The following XIRP2 variants were observed in gnomAD, a reference collection of about 807,000 sequenced individuals.
XIRP2 encodes xin actin-binding repeat-containing protein 2.
XIRP2 carries 236 observed loss-of-function variants against 277.0 expected under a neutral mutation model. The observed-to-expected ratio is 0.85, with a 90% CI of 0.77 to 0.95. The LOEUF (loss-of-function observed/expected upper bound fraction) is 0.95, where lower values mean the gene tolerates loss of function less well. XIRP2 is among the 40% of genes least tolerant of loss of function. The pLI is 0.00. For missense variants in XIRP2, 4,640 were observed against 4,157.5 expected, an observed-to-expected ratio of 1.12 and a Z score of -3.19; for synonymous variants, 1,490 against 1,416.5, an observed-to-expected ratio of 1.05 and a Z score of -1.17.
At chr2:167,085,949 G>T (rs546166797) in intron 2 of XIRP2, among the ~76,000 whole-genome samples, 3 of 152,038 alleles carry the variant, frequency 2.0e-5, no homozygotes, top group East Asian at 1.9e-4. Context: ...TACATTTAAA[G>T]TTAATATTGT....
rs140761249 is a variant in XIRP2, at chr2:167,060,179, T to C, written c.409-75730T>C. On this transcript the variant is annotated intron_variant, in intron 2 of 10. Coordinates refer to ENST00000409195, the MANE Select transcript of XIRP2 (RefSeq NM_152381.6). ...AGATTTCTTGTTATAAAATAATAAG[T>C]TTTCAAAATGATAACGGGGGAAAAA... Among the ~76,000 whole-genome samples the C allele has an allele frequency of 7.3e-4, 111 of 151,942 alleles. 1 individual carries two copies. The East Asian group carries it at 0.021, about 29-fold the overall frequency.
At chr2:167,109,830 G>C (rs1232279367) in intron 2 of XIRP2, among the ~76,000 whole-genome samples, 3 of 152,036 alleles carry the variant, frequency 2.0e-5, no homozygotes, top group Non-Finnish European at 4.4e-5. Context: ...TACCTCATCA[G>C]CATCTGTTAT....
In XIRP2 at chr2:166,889,459, T is replaced by TGGCCCAGGTCCC. The variant is rs551229338; in HGVS notation, c.-19+903_-19+914dup. On this transcript the variant is annotated intron_variant, in intron 1 of 10. Coordinates refer to ENST00000409195, the MANE Select transcript of XIRP2 (RefSeq NM_152381.6). ...GGTAGGTGAGACACAGCAGAGGTTC[T>TGGCCCAGGTCCC]GGCCCAGGTCCCTGGCCTCTCCTCC... The TGGCCCAGGTCCC allele has an allele frequency of 4.2e-3, 643 of 152,658 alleles. 2 individuals carry two copies. Among genetic ancestry groups the TGGCCCAGGTCCC allele is most frequent in the Middle Eastern group, 0.034 (10 of 294 alleles). The allele number at this position is 152,658 out of a possible 1,614,324, so 9.5% of individuals were successfully genotyped here.
chr2:166,966,709 T>A (rs1184445234), intron 2 of XIRP2, among the ~76,000 whole-genome samples: 7 of 151,990 alleles, frequency 4.6e-5, no homozygotes, highest in Non-Finnish European at 1.0e-4. Context: ...GAGACAAATG[T>A]GGACCTTTGA....
intron 2 of XIRP2, among the ~76,000 whole-genome samples, chr2:166,955,506 G>A (rs975774929): frequency 6.6e-6 from 1 of 151,730 alleles, no homozygotes; most frequent in African/African-American, 2.4e-5. Flanking sequence ...GGCAATGATT[G>A]TACAACTTGA....
intron 2 of XIRP2, among the ~76,000 whole-genome samples, chr2:167,120,450 T>C (rs1195043572): frequency 1.3e-5 from 2 of 152,170 alleles, no homozygotes; most frequent in Non-Finnish European, 2.9e-5. Context: ...CTTTGAATGA[T>C]AGCACAGTCT....
chr2:167,104,900 G>C (rs760866783), intron 2 of XIRP2, among the ~76,000 whole-genome samples: 1 of 151,854 alleles, frequency 6.6e-6, no homozygotes, highest in Non-Finnish European at 1.5e-5. Context: ...ATATCTTTTA[G>C]CTTATTTGAG....
At chr2:166,995,443 T>C (rs894857299) in intron 2 of XIRP2, among the ~76,000 whole-genome samples, 1 of 152,226 alleles carries the variant, frequency 6.6e-6, no homozygotes, top group Non-Finnish European at 1.5e-5. Flanking sequence ...CAGTTAGGGC[T>C]GATGATCAGT....
intron 2 of XIRP2, among the ~76,000 whole-genome samples, chr2:166,904,566 T>A (rs181949214): frequency 3.3e-5 from 5 of 152,246 alleles, no homozygotes; most frequent in Admixed American, 3.3e-4. Context: ...TTTAGCCAAA[T>A]TTAGGAAACA....
chr2:167,252,222 T>G (rs1360002303), intron 9 of XIRP2, among the ~76,000 whole-genome samples: 1 of 152,014 alleles, frequency 6.6e-6, no homozygotes, highest in East Asian at 1.9e-4. Context: ...TAAATAAGGC[T>G]TTGGATAAAG....
Position 167,245,604 on chromosome 2 carries a change from T to A in XIRP2, c.4212T>A (p.His1404Gln). The change falls in exon 9 of 11, where the codon CAT (histidine) becomes CAA (glutamine). Residue 1404 changes from histidine (H) to glutamine (Q), a missense_variant. Transcript: ENST00000409195. ...QPLDQISEESHNIMPSIDHIQ... is the reference protein window; with the variant it reads ...QPLDQISEESQNIMPSIDHIQ... ...TGGATCAGATTTCTGAAGAATCACATAATATTATGCCCAGTATTGACCATA... is the reference window on the plus strand; with the variant it reads ...TGGATCAGATTTCTGAAGAATCACAAAATATTATGCCCAGTATTGACCATA... 3.7e-6 allele frequency: 6 copies of A among 1,613,686 alleles called. No homozygotes were observed. The East Asian group carries it at 1.3e-4, about 36-fold the overall frequency.
chr2:167,259,556 CT>C lies in XIRP2; in HGVS notation c.*1743del. 3.7e-6 allele frequency: 2 copies of C among 535,554 alleles called. No homozygotes were observed. The highest frequency in any genetic ancestry group is 3.9e-5 in the South Asian group (1 of 25,434). 33.2% of individuals were successfully genotyped at this position (535,554 alleles called of 1,614,324 possible). On this transcript the variant is annotated 3_prime_UTR_variant, in exon 11 of 11. Coordinates refer to ENST00000409195, the MANE Select transcript of XIRP2 (RefSeq NM_152381.6). Reference sequence around the variant, plus strand: ...TTTTTTCACAATTTATTTACATCTACTTTTGTTTGAACTGGAATGAAGAGAT... The same window carrying C: ...TTTTTTCACAATTTATTTACATCTACTTTGTTTGAACTGGAATGAAGAGAT...
chr2:166,954,140 T>C (rs1686104161), intron 2 of XIRP2, among the ~76,000 whole-genome samples: 1 of 151,936 alleles, frequency 6.6e-6, no homozygotes, highest in Non-Finnish European at 1.5e-5. Flanking sequence ...AATGACCATG[T>C]AAGCTAAACC....
chr2:167,121,472 G>A (rs966065772), intron 2 of XIRP2, among the ~76,000 whole-genome samples: 5 of 152,202 alleles, frequency 3.3e-5, no homozygotes, highest in South Asian at 2.1e-4. Context: ...TAAATGGCAC[G>A]TCAGTTTTAA....
intron 2 of XIRP2, among the ~76,000 whole-genome samples, chr2:167,127,331 G>A (rs961901560): frequency 1.3e-5 from 2 of 152,136 alleles, no homozygotes; most frequent in African/African-American, 4.8e-5. Context: ...CCAGCAGATG[G>A]CAGTAACATG....
At chr2:167,005,447 G>A (rs761195947) in intron 2 of XIRP2, among the ~76,000 whole-genome samples, 1 of 151,796 alleles carries the variant, frequency 6.6e-6, no homozygotes. Flanking sequence ...GATGTAAAGG[G>A]ATTAATTAAA....
At chr2:167,171,817 C>T (rs751832494) in intron 3 of XIRP2, among the ~76,000 whole-genome samples, 2 of 152,136 alleles carry the variant, frequency 1.3e-5, no homozygotes, top group African/African-American at 4.8e-5. Flanking sequence ...CATTTTATAT[C>T]CTACACACTC....
chr2:167,125,562 T>A lies in XIRP2; in HGVS notation c.409-10347T>A, dbSNP rs527879256. Among the ~76,000 whole-genome samples, 18 of 152,290 alleles carry A rather than the reference T, an allele frequency of 1.2e-4. No individual in the cohort carries two copies. In the South Asian group the frequency reaches 3.7e-3, roughly 32 times the overall value. On this transcript the variant is annotated intron_variant, in intron 2 of 10. Coordinates refer to ENST00000409195, the MANE Select transcript of XIRP2 (RefSeq NM_152381.6). ...TAGCTACCTCATTAGTATTGTTAAA[T>A]CTGTTTAATAAAAAGGATGTATTTA...
rs1309913392 is a variant in XIRP2, at chr2:166,933,830, C to T, written c.408+29940C>T. Among the ~76,000 whole-genome samples the T allele has an allele frequency of 2.6e-5, 4 of 152,016 alleles. No individual in the cohort carries two copies. In the East Asian group the frequency reaches 7.7e-4, roughly 29 times the overall value. On this transcript the variant is annotated intron_variant, in intron 2 of 10. Transcript: ENST00000409195. The stretch of plus-strand genomic sequence containing the variant: ...TGGGTCTTTTAAGGTTTTCCTAATA[C>T]TATTTTATATTTTTAATGTAGAAAT...
Sources: gnomAD v4.1 joint callset for allele counts (sites outside exome capture counted in the v4.1 genomes callset) on GRCh38, gnomAD v4.1.1 for gene constraint, MANE v1.5 for transcripts, NCBI Gene and HGNC (gene_info 2026-07-23, HGNC 2026-07-21) for gene names.